The following GALNT17 variants were observed in gnomAD, a reference collection of about 807,000 sequenced individuals.
The protein encoded by GALNT17 is UDP-GalNAc:polypeptide N-acetylgalactosaminyltransferase-like 3.
A neutral mutation model predicts 63.7 loss-of-function variants in GALNT17; 29 were observed. That is an observed-to-expected ratio of 0.46 (90% CI 0.34 to 0.62). GALNT17 has a LOEUF of 0.62. Among genes scored for constraint, GALNT17 ranks in the 20% least tolerant of loss-of-function variants. GALNT17 has a pLI of 0.01. For missense variants in GALNT17, 603 were observed against 799.6 expected (o/e 0.75, Z 2.97); for synonymous variants, 305 against 318.3 (o/e 0.96, Z 0.45).
intron 1 of GALNT17, among the ~76,000 whole-genome samples, chr7:71,168,970 A>C (rs1186990245): frequency 6.6e-6 from 1 of 152,074 alleles, no homozygotes; most frequent in Non-Finnish European, 1.5e-5. Context: ...TCTGGCTGGT[A>C]GCGACAGAGG....
chr7:71,190,216 T>G (rs1788926890), intron 1 of GALNT17, among the ~76,000 whole-genome samples: 1 of 152,206 alleles, frequency 6.6e-6, no homozygotes, highest in Admixed American at 6.5e-5. Context: ...TGATATAGTT[T>G]GAATATCTAT....
intron 5 of GALNT17, among the ~76,000 whole-genome samples, chr7:71,503,923 G>A (rs141413875): frequency 0.023 from 3,466 of 151,700 alleles, 138 homozygotes; most frequent in African/African-American, 0.079. Flanking sequence ...GTGAAACCCC[G>A]TCTCTACTAA....
At chr7:71,509,307 T>G (rs2116721194) in intron 5 of GALNT17, among the ~76,000 whole-genome samples, 1 of 152,334 alleles carries the variant, frequency 6.6e-6, no homozygotes, top group East Asian at 1.9e-4. Context: ...TTCTGGAGAT[T>G]AAGTACAGGA....
intron 9 of GALNT17, among the ~76,000 whole-genome samples, chr7:71,703,189 T>A (rs879639258): frequency 6.6e-6 from 1 of 152,212 alleles, no homozygotes; most frequent in Non-Finnish European, 1.5e-5. Context: ...AGTTTATAAT[T>A]TATAGATCCT....
intron 6 of GALNT17, among the ~76,000 whole-genome samples, chr7:71,588,906 A>C (rs1296830926): frequency 6.6e-6 from 1 of 151,826 alleles, no homozygotes; most frequent in African/African-American, 2.4e-5. Context: ...CCCCCAAATT[A>C]CCCTATTGAT....
intron 1 of GALNT17, among the ~76,000 whole-genome samples, chr7:71,208,163 C>A (rs1789308993): frequency 6.6e-6 from 1 of 152,060 alleles, no homozygotes; most frequent in Non-Finnish European, 1.5e-5. Flanking sequence ...TCTTGAACTT[C>A]TGGACTTAAG....
intron 1 of GALNT17, among the ~76,000 whole-genome samples, chr7:71,292,620 ACCATTTGGGAGAGGG>A (rs993670094): frequency 2.0e-5 from 3 of 151,296 alleles, no homozygotes; most frequent in African/African-American, 7.3e-5. Context: ...CCACATAGGT[ACCATTTGGGAGAGGG>A]AGAGAGAGAG....
chr7:71,451,694 C>A (rs978708756), intron 5 of GALNT17, among the ~76,000 whole-genome samples: 1 of 151,896 alleles, frequency 6.6e-6, no homozygotes. Flanking sequence ...TTATGTATTT[C>A]CCTCAAGTAT....
chr7:71,468,962 G>A (rs1787583053), intron 5 of GALNT17, among the ~76,000 whole-genome samples: 1 of 152,176 alleles, frequency 6.6e-6, no homozygotes, highest in Admixed American at 6.5e-5. Context: ...TCAGAGATTG[G>A]TGGGGGACAG....
chr7:71,566,809 C>T (rs529362668), intron 5 of GALNT17, among the ~76,000 whole-genome samples: 2 of 152,222 alleles, frequency 1.3e-5, no homozygotes, highest in South Asian at 4.1e-4. Flanking sequence ...AAAGGACCCT[C>T]CTGTAACTTA....
At chr7:71,166,362 A>T (rs1306285640) in intron 1 of GALNT17, among the ~76,000 whole-genome samples, 1 of 152,212 alleles carries the variant, frequency 6.6e-6, no homozygotes, top group Non-Finnish European at 1.5e-5. Context: ...TATAATTGAC[A>T]TACTAAAAAC....
chr7:71,712,260 G>T lies in GALNT17; in HGVS notation c.*114G>T. 1 of 1,436,210 alleles carries T rather than the reference G, an allele frequency of 7.0e-7. No individual in the cohort carries two copies. Among genetic ancestry groups the T allele is most frequent in the South Asian group, 1.4e-5 (1 of 71,526 alleles). 89.0% of individuals were successfully genotyped at this position (1,436,210 alleles called of 1,614,324 possible). On this transcript the variant is annotated 3_prime_UTR_variant, in exon 11 of 11. Coordinates refer to ENST00000333538, the MANE Select transcript of GALNT17 (RefSeq NM_022479.3). ...CAAGGGGCCGGCAGGTGCTCGATGG[G>T]CCCCCCAGGGCTTCTCCAGGGCAGC... is the stretch of plus-strand genomic sequence containing the variant.
intron 1 of GALNT17, among the ~76,000 whole-genome samples, chr7:71,187,370 C>T (rs1209725139): frequency 6.6e-6 from 1 of 150,832 alleles, no homozygotes; most frequent in Non-Finnish European, 1.5e-5. Context: ...GATCCTCCCT[C>T]TTTAAAAGTC....
intron 5 of GALNT17, among the ~76,000 whole-genome samples, chr7:71,426,957 C>G (rs954409843): frequency 6.6e-6 from 1 of 151,808 alleles, no homozygotes; most frequent in Non-Finnish European, 1.5e-5. Context: ...GTTAGAAAGA[C>G]AAGCGTGTTC....
At chr7:71,649,908 G>A (rs956875728) in intron 6 of GALNT17, among the ~76,000 whole-genome samples, 1 of 152,202 alleles carries the variant, frequency 6.6e-6, no homozygotes, top group Non-Finnish European at 1.5e-5. Context: ...GAAGAGTTCA[G>A]GAAGTTGCCA....
At chr7:71,362,358 A>G (rs912378133) in intron 2 of GALNT17, among the ~76,000 whole-genome samples, 1 of 152,194 alleles carries the variant, frequency 6.6e-6, no homozygotes, top group African/African-American at 2.4e-5. Flanking sequence ...TTCAAAGACT[A>G]CATTTCCCCC....
chr7:71,217,705 C>T (rs1296089200), intron 1 of GALNT17, among the ~76,000 whole-genome samples: 1 of 151,982 alleles, frequency 6.6e-6, no homozygotes, highest in Non-Finnish European at 1.5e-5. Flanking sequence ...GTGGGCCGAT[C>T]ACAAGGTCAG....
At chr7:71,248,756 A>G (rs1195613247) in intron 1 of GALNT17, among the ~76,000 whole-genome samples, 1 of 152,150 alleles carries the variant, frequency 6.6e-6, no homozygotes, top group African/African-American at 2.4e-5. Context: ...TAGCCTTTCT[A>G]TACATCAGCT....
At chr7:71,526,831 A>G (rs948318055) in intron 5 of GALNT17, among the ~76,000 whole-genome samples, 1 of 151,992 alleles carries the variant, frequency 6.6e-6, no homozygotes, top group African/African-American at 2.4e-5. Context: ...TGTGATTTAA[A>G]TCCCCTCCCT....
Sources: gnomAD v4.1 joint callset for allele counts (sites outside exome capture counted in the v4.1 genomes callset) on GRCh38, gnomAD v4.1.1 for gene constraint, MANE v1.5 for transcripts, NCBI Gene and HGNC (gene_info 2026-07-23, HGNC 2026-07-21) for gene names.